Variants in SCN2A observed in about 807,000 individuals in gnomAD.
The protein encoded by SCN2A is sodium channel protein type 2 subunit alpha.
A neutral mutation model predicts 188.7 loss-of-function variants in SCN2A; 20 were observed. The ratio of observed to expected loss-of-function variants is 0.11; its 90% CI spans 0.07 to 0.15. The LOEUF is 0.15. Among genes scored for constraint, SCN2A ranks in the 10% least tolerant of loss-of-function variants. SCN2A has a pLI of 1.00. For synonymous variants in SCN2A, 804 were observed against 833.1 expected (o/e 0.97, Z 0.60); for missense variants, 1,278 against 2,445.0 (o/e 0.52, Z 10.07).
At chr2:165,291,633 G>A (rs949153769) in intron 1 of SCN2A, among the ~76,000 whole-genome samples, 3 of 141,426 alleles carry the variant, frequency 2.1e-5, no homozygotes, top group Non-Finnish European at 3.0e-5. Context: ...CTCCCAGGCT[G>A]GAGTGCAGTG....
chr2:165,322,541 G>A (rs931976699), intron 11 of SCN2A, among the ~76,000 whole-genome samples: 1 of 152,142 alleles, frequency 6.6e-6, no homozygotes, highest in Non-Finnish European at 1.5e-5. Context: ...GTGAAAATTG[G>A]GGAATAAATC....
intron 22 of SCN2A, among the ~76,000 whole-genome samples, 197 bp from the exon 23 acceptor site, chr2:165,377,400 G>C (rs1205797319): frequency 6.6e-6 from 1 of 151,888 alleles, no homozygotes; most frequent in Non-Finnish European, 1.5e-5. Context: ...ATCCACATAA[G>C]ATGTTATAGA....
chr2:165,376,361 TAAA>T, intron 22 of SCN2A, among the ~76,000 whole-genome samples: 1 of 151,840 alleles, frequency 6.6e-6, no homozygotes, highest in East Asian at 1.9e-4. Context: ...GCAATTAAAA[TAAA>T]AATGCATATA....
chr2:165,342,033 G>C (rs1226350660), intron 14 of SCN2A, among the ~76,000 whole-genome samples: 5 of 152,148 alleles, frequency 3.3e-5, no homozygotes, highest in Admixed American at 3.3e-4. Flanking sequence ...TGATCACAAT[G>C]AGTCAGTTGC....
chr2:165,272,162 T>C (rs1177486745), intron 1 of SCN2A: 1 of 151,794 alleles, frequency 6.6e-6, no homozygotes, highest in Non-Finnish European at 1.5e-5. Context: ...AGTAAAAAAA[T>C]CAGTAAAAGA....
intron 11 of SCN2A, among the ~76,000 whole-genome samples, chr2:165,316,201 C>T (rs1697739049): frequency 6.6e-6 from 1 of 152,138 alleles, no homozygotes; most frequent in South Asian, 2.1e-4. Context: ...CAAGTGCATT[C>T]TTCATGCCTT....
At chr2:165,379,889 A>G (rs1365096460) in intron 23 of SCN2A, among the ~76,000 whole-genome samples, 1 of 151,760 alleles carries the variant, frequency 6.6e-6, no homozygotes, top group African/African-American at 2.4e-5. Context: ...GCGCAAACCT[A>G]CTATCACACA....
chr2:165,266,617 T>C (rs1381283857), intron 1 of SCN2A: 1 of 152,162 alleles, frequency 6.6e-6, no homozygotes, highest in Non-Finnish European at 1.5e-5. Context: ...TAGATCATTT[T>C]CTTACTCTCA....
intron 10 of SCN2A, 145 bp from the exon 11 acceptor site, chr2:165,315,326 C>T: frequency 7.6e-7 from 1 of 1,317,744 alleles, no homozygotes; most frequent in East Asian, 2.5e-5. Flanking sequence ...GGTCTAATAA[C>T]AATGTACTGT....
Position 165,314,060 on chromosome 2 carries a change from A to G in SCN2A, c.1335A>G (p.Glu445=). Residue 445 remains glutamate (E), a synonymous_variant, in exon 10 of 27, where the codon GAA becomes GAG. Coordinates refer to ENST00000375437, the MANE Select transcript of SCN2A (RefSeq NM_001040142.2). The part of the protein sequence containing the change: ...TLEEAEQKEA[E]FQQMLEQLKK... ...AAGAGGCTGAACAGAAGGAAGCTGA[A>G]TTTCAGCAGATGCTCGAACAGTTGA... 1 of 1,613,760 alleles carries G rather than the reference A, an allele frequency of 6.2e-7. No individual in the cohort carries two copies. The highest frequency in any genetic ancestry group is 8.5e-7 in the Non-Finnish European group (1 of 1,179,754).
intron 1 of SCN2A, among the ~76,000 whole-genome samples, chr2:165,276,208 C>A (rs1293932731): frequency 6.6e-6 from 1 of 150,876 alleles, no homozygotes; most frequent in Non-Finnish European, 1.5e-5. Context: ...AAGAGTTCTT[C>A]AAAATGAATG....
chr2:165,342,491 A>C, intron 15 of SCN2A, 22 bp downstream of exon 15: 1 of 1,612,814 alleles, frequency 6.2e-7, no homozygotes, highest in South Asian at 1.1e-5. Flanking sequence ...GGGAGTGTTC[A>C]TAAAATGTAC....
At chr2:165,350,298 A>G (rs986997582) in intron 16 of SCN2A, among the ~76,000 whole-genome samples, 10 of 152,014 alleles carry the variant, frequency 6.6e-5, no homozygotes, top group Non-Finnish European at 1.0e-4. Flanking sequence ...AAAATATGTA[A>G]TATGTTTCAA....
rs145183944 is a variant in SCN2A, at chr2:165,327,402, G to A, written c.2149+418G>A. ...AAATTAAAAATGTGAATTAGGGTTT[G>A]ATATTAACTTCCTTGAAGCAAAGTG... is the stretch of plus-strand genomic sequence containing the variant. On this transcript the variant is annotated intron_variant, in intron 13 of 26. Coordinates refer to ENST00000375437, the MANE Select transcript of SCN2A (RefSeq NM_001040142.2). The A allele has an allele frequency of 1.2e-4, 23 of 198,356 alleles. No homozygotes were observed. The East Asian group carries it at 3.2e-3, about 28-fold the overall frequency. 12.3% of individuals were successfully genotyped at this position (198,356 alleles called of 1,614,324 possible). A position where few individuals can be genotyped will look rare whatever the true frequency, so the allele number is the denominator to read the frequency against.
intron 12 of SCN2A, among the ~76,000 whole-genome samples, chr2:165,325,709 A>C (rs1698320299): frequency 6.6e-6 from 1 of 152,058 alleles, no homozygotes; most frequent in Admixed American, 6.6e-5. Flanking sequence ...GGATTAAAAG[A>C]CTTTTATTTT....
At chr2:165,321,413 A>G (rs1243288118) in intron 11 of SCN2A, among the ~76,000 whole-genome samples, 2 of 152,100 alleles carry the variant, frequency 1.3e-5, no homozygotes, top group Admixed American at 6.5e-5. Flanking sequence ...CTGCTTCCAC[A>G]TTTTTGGGTA....
chr2:165,321,806 C>G (rs537112529), intron 11 of SCN2A, among the ~76,000 whole-genome samples: 99 of 152,252 alleles, frequency 6.5e-4, no homozygotes, highest in African/African-American at 2.3e-3. Context: ...AAGATGAGAT[C>G]TGGGTGGGGA....
chr2:165,277,987 T>C (rs1309579368), intron 1 of SCN2A, among the ~76,000 whole-genome samples: 1 of 152,142 alleles, frequency 6.6e-6, no homozygotes, highest in African/African-American at 2.4e-5. Flanking sequence ...GAAAAAATGG[T>C]GTGTGAAAAA....
intron 11 of SCN2A, among the ~76,000 whole-genome samples, chr2:165,319,771 C>T (rs1444110077): frequency 1.3e-5 from 2 of 152,088 alleles, no homozygotes; most frequent in Non-Finnish European, 2.9e-5. Context: ...TGGGGAAAAC[C>T]CCTACCATGA....
Sources: gnomAD v4.1 joint callset for allele counts (sites outside exome capture counted in the v4.1 genomes callset) on GRCh38, gnomAD v4.1.1 for gene constraint, MANE v1.5 for transcripts, NCBI Gene and HGNC (gene_info 2026-07-23, HGNC 2026-07-21) for gene names.